ELOA: variants seen among roughly 807,000 people sequenced by gnomAD.
The protein encoded by ELOA is elongin-A.
A neutral mutation model predicts 85.2 loss-of-function variants in ELOA; 15 were observed. The observed-to-expected ratio is 0.18, with a 90% CI of 0.12 to 0.27. The LOEUF is 0.27. Ranked by LOEUF, ELOA falls within the 10% of genes least tolerant of loss-of-function variation. The probability of loss-of-function intolerance (pLI) is 1.00; values close to 1 mark genes in which losing one functional copy is unlikely to be tolerated. For missense variants in ELOA, 769 were observed against 952.7 expected, an observed-to-expected ratio of 0.81 and a Z score of 2.54; for synonymous variants, 348 against 357.2, an observed-to-expected ratio of 0.97 and a Z score of 0.29.
intron 1 of ELOA, chr1:23,743,930 G>C (rs1311025409): frequency 5.6e-6 from 1 of 180,146 alleles, no homozygotes; most frequent in African/African-American, 2.4e-5. Flanking sequence ...GCTGGCCGCC[G>C]CCTCGTTGGC....
chr1:23,745,334 AAC>A (rs1339528772), intron 1 of ELOA, among the ~76,000 whole-genome samples: 1 of 152,164 alleles, frequency 6.6e-6, no homozygotes, highest in Non-Finnish European at 1.5e-5. Flanking sequence ...GCCATATAAT[AAC>A]TACCCACTAT....
chr1:23,757,398 G>T (rs1644799030), intron 10 of ELOA, among the ~76,000 whole-genome samples: 1 of 152,080 alleles, frequency 6.6e-6, no homozygotes, highest in South Asian at 2.1e-4. Context: ...TTGAATCCAG[G>T]AGTTCAAGAC....
chr1:23,758,883 A>T (rs918667201), intron 10 of ELOA, among the ~76,000 whole-genome samples: 1 of 152,032 alleles, frequency 6.6e-6, no homozygotes, highest in South Asian at 2.1e-4. Flanking sequence ...AGGCAAAGTT[A>T]AGTTATGACT....
At position 23,749,940 on chromosome 1, in the gene ELOA, T is replaced by C. The variant is rs754794864; in HGVS notation, c.231T>C (p.Pro77=). Residue 77 remains proline (P), a synonymous_variant, in exon 3 of 11, where the codon CCT becomes CCC. Transcript: ENST00000613537. ...TGGCCCAGTGGAAGAAGCTGGTTCC[T>C]GTGGAACGGTAAGAACATTTCTCTT... ...DLVAQWKKLV[P]VERNAEPDEQ... is the part of the protein sequence containing the mutation. The C allele has an allele frequency of 3.1e-6, 5 of 1,613,314 alleles. No individual in the cohort carries two copies. The highest frequency in any genetic ancestry group is 4.2e-6 in the Non-Finnish European group (5 of 1,179,420).
intron 10 of ELOA, among the ~76,000 whole-genome samples, chr1:23,757,550 G>A (rs991705212): frequency 6.6e-6 from 1 of 152,186 alleles, no homozygotes; most frequent in South Asian, 2.1e-4. Flanking sequence ...CCAGGCTGGA[G>A]TGCAGTGGCA....
chr1:23,754,261 TCA>T lies in ELOA; in HGVS notation c.1693+10_1693+11del, dbSNP rs754730437. Reference sequence around the variant, plus strand: ...ACTTAAAAACAACATCGATTGTAAGTCACACGCTTCTCTCTAGCTCTCAAGCA... The same window carrying T: ...ACTTAAAAACAACATCGATTGTAAGTCACGCTTCTCTCTAGCTCTCAAGCA... On this transcript the variant is annotated splice_region_variant and intron_variant, in intron 6 of 10. Coordinates refer to ENST00000613537, the MANE Select transcript of ELOA (RefSeq NM_003198.3). 3 of 1,614,058 alleles carry T rather than the reference TCA, an allele frequency of 1.9e-6. No homozygotes were observed. Among genetic ancestry groups the T allele is most frequent in the African/African-American group, 2.7e-5 (2 of 74,914 alleles).
intron 1 of ELOA, chr1:23,744,120 C>G (rs996979289): frequency 6.6e-6 from 1 of 152,478 alleles, no homozygotes; most frequent in Admixed American, 6.5e-5. Context: ...GAGCGTGGAC[C>G]TTTCGCTTTC....
At chr1:23,749,123 C>T (rs752715285) in intron 2 of ELOA, 46 bp downstream of exon 2, 2 of 1,494,018 alleles carry the variant, frequency 1.3e-6, no homozygotes, top group Admixed American at 1.7e-5. Flanking sequence ...TATCCCATTC[C>T]CTTCTCACTG....
At chr1:23,752,692 C>T (rs1368858652) in intron 5 of ELOA, among the ~76,000 whole-genome samples, 174 bp downstream of exon 5, 1 of 152,002 alleles carries the variant, frequency 6.6e-6, no homozygotes, top group Non-Finnish European at 1.5e-5. Flanking sequence ...CCTGTAATCC[C>T]AGCACTTTGG....
In ELOA at chr1:23,754,109, C is replaced by T; in HGVS notation, c.1547C>T (p.Ser516Leu). ...TTTTCTTGCCCTATAGCGTTCTCTTCACCCCAGGAAGAAGAAGAAGCTGGA... is the reference window on the plus strand; with the variant it reads ...TTTTCTTGCCCTATAGCGTTCTCTTTACCCCAGGAAGAAGAAGAAGCTGGA... ...SFQPKRKAFS[S>L]PQEEEEAGFT... Residue 516 changes from serine to leucine, a missense_variant, in exon 6 of 11, where the codon TCA becomes TTA. Physicochemically the swap from Ser to Leu is moderately radical, Grantham distance 145. Coordinates refer to ENST00000613537, the MANE Select transcript of ELOA (RefSeq NM_003198.3). 1 of 1,614,168 alleles carries T rather than the reference C, an allele frequency of 6.2e-7. No homozygotes were observed. Among genetic ancestry groups the T allele is most frequent in the Non-Finnish European group, 8.5e-7 (1 of 1,180,028 alleles).
At chr1:23,754,022 A>C in intron 5 of ELOA, 78 bp from the exon 6 acceptor site, 1 of 1,532,800 alleles carries the variant, frequency 6.5e-7, no homozygotes, top group East Asian at 2.3e-5. Context: ...TGGGAAAGGG[A>C]AGTAGGAGGC....
chr1:23,750,006 A>G, intron 3 of ELOA, 58 bp downstream of exon 3: 1 of 1,410,614 alleles, frequency 7.1e-7, no homozygotes, highest in Non-Finnish European at 9.7e-7. Context: ...CAGATAGAAA[A>G]GGTTTTCTTT....
chr1:23,759,218 T>G (rs1638256507), intron 10 of ELOA, among the ~76,000 whole-genome samples: 1 of 152,238 alleles, frequency 6.6e-6, no homozygotes, highest in Non-Finnish European at 1.5e-5. Flanking sequence ...TGACAGAGAT[T>G]GAATTGTAAT....
chr1:23,755,510 G>A (rs1644790317), intron 7 of ELOA, among the ~76,000 whole-genome samples: 1 of 152,128 alleles, frequency 6.6e-6, no homozygotes, highest in Admixed American at 6.5e-5. Context: ...GGCTGGGCAT[G>A]GTGACACACG....
At chr1:23,758,152 T>A (rs187225177) in intron 10 of ELOA, among the ~76,000 whole-genome samples, 1 of 151,662 alleles carries the variant, frequency 6.6e-6, no homozygotes, top group Admixed American at 6.6e-5. Flanking sequence ...ATTACTAATA[T>A]TAACAGCTAA....
intron 2 of ELOA, among the ~76,000 whole-genome samples, chr1:23,749,578 C>T (rs1644760169): frequency 6.6e-6 from 1 of 152,200 alleles, no homozygotes; most frequent in Non-Finnish European, 1.5e-5. Context: ...TGATTCAGAA[C>T]TGTATGCAAA....
chr1:23,758,255 ATTTATTT>A (rs1425922324), intron 10 of ELOA, among the ~76,000 whole-genome samples: 6 of 36,192 alleles, frequency 1.7e-4, no homozygotes, highest in South Asian at 1.7e-3. Flanking sequence ...CAATTTATTT[ATTTATTT>A]TTTTTTTTTT....
intron 1 of ELOA, among the ~76,000 whole-genome samples, chr1:23,748,201 G>A (rs78411344): frequency 0.018 from 2,762 of 152,268 alleles, 37 homozygotes; most frequent in Middle Eastern, 0.031. Context: ...ACTGCACATG[G>A]TTTGTCTCTG....
At chr1:23,744,165 G>T (rs1427944856) in intron 1 of ELOA, 1 of 152,208 alleles carries the variant, frequency 6.6e-6, no homozygotes, top group African/African-American at 2.4e-5. Context: ...ATAAAGCCTC[G>T]CGTCACCTAA....
Sources: gnomAD v4.1 joint callset for allele counts (sites outside exome capture counted in the v4.1 genomes callset) on GRCh38, gnomAD v4.1.1 for gene constraint, MANE v1.5 for transcripts, NCBI Gene and HGNC (gene_info 2026-07-23, HGNC 2026-07-21) for gene names.